NAALADL2: variants seen among roughly 807,000 people sequenced by gnomAD.
NAALADL2 encodes the protein N-acetylated alpha-linked acidic dipeptidase like 2.
In NAALADL2, 76 loss-of-function variants were observed where a neutral mutation model predicts 87.2. That is an observed-to-expected ratio of 0.87 (90% CI 0.72 to 1.05). NAALADL2 has a LOEUF of 1.05. Among genes scored for constraint, NAALADL2 ranks in the 50% least tolerant of loss-of-function variants. The pLI is 0.00. For missense variants in NAALADL2, 1,089 were observed against 945.8 expected (o/e 1.15, Z -1.99); for synonymous variants, 354 against 331.0 (o/e 1.07, Z -0.75).
intron 9 of NAALADL2, among the ~76,000 whole-genome samples, chr3:175,492,574 A>T (rs966055499): frequency 6.6e-6 from 1 of 152,150 alleles, no homozygotes; most frequent in African/African-American, 2.4e-5. Flanking sequence ...CAGTACCCGG[A>T]GCGAAGCCTG....
At chr3:175,783,260 T>G (rs1441557702) in intron 13 of NAALADL2, among the ~76,000 whole-genome samples, 45 of 152,154 alleles carry the variant, frequency 3.0e-4, no homozygotes, top group Admixed American at 1.4e-3. Context: ...TTGGTAGCTT[T>G]ATGGGGATGG....
chr3:174,661,458 G>C (rs9290513), intron 2 of NAALADL2, among the ~76,000 whole-genome samples: 11,246 of 152,038 alleles, frequency 0.074, 1,398 homozygotes, highest in African/African-American at 0.26. Flanking sequence ...TTTTACTATA[G>C]TTACTTAGAA....
intron 3 of NAALADL2, among the ~76,000 whole-genome samples, chr3:174,765,304 G>A (rs1713667336): frequency 6.6e-6 from 1 of 152,130 alleles, no homozygotes; most frequent in Non-Finnish European, 1.5e-5. Context: ...TTTTTATTGT[G>A]AAATATTAGA....
intron 2 of NAALADL2, among the ~76,000 whole-genome samples, chr3:175,132,758 C>T (rs1012908985): frequency 2.7e-5 from 4 of 150,698 alleles, no homozygotes; most frequent in East Asian, 2.0e-4. Context: ...CCTCACCTCC[C>T]GGACAGGGCG....
In NAALADL2 at chr3:175,463,403, A is replaced by G. The variant is rs563896810; in HGVS notation, c.1237A>G (p.Ile413Val). ...CSSLELPNNE[I>V]RVVSMQVQTV... is the part of the protein sequence containing the mutation. ...TCTTTAAATTTTTATTTTTTCAGAA[A>G]TAAGAGTCGTCAGCATGCAAGTTCA... Residue 413 changes from isoleucine (I) to valine (V), a missense_variant and splice_region_variant, in exon 7 of 14, where the codon ATA (isoleucine) becomes GTA (valine). Ile to Val is a conservative substitution (Grantham distance 29). Coordinates refer to ENST00000454872, the MANE Select transcript of NAALADL2 (RefSeq NM_207015.3). 25 of 1,564,032 alleles carry G rather than the reference A, an allele frequency of 1.6e-5. No homozygotes were observed. Among genetic ancestry groups the G allele is most frequent in the South Asian group, 9.8e-5 (8 of 81,428 alleles).
At chr3:175,117,499 G>T (rs185657140) in intron 2 of NAALADL2, among the ~76,000 whole-genome samples, 2 of 151,926 alleles carry the variant, frequency 1.3e-5, no homozygotes, top group African/African-American at 4.8e-5. Flanking sequence ...GCAGCCAACA[G>T]ACACATGAAA....
At chr3:175,241,709 A>G (rs966556597) in intron 3 of NAALADL2, among the ~76,000 whole-genome samples, 3 of 152,158 alleles carry the variant, frequency 2.0e-5, no homozygotes, top group African/African-American at 4.8e-5. Flanking sequence ...GTGAAAGAGA[A>G]CAGAAGCCTA....
At chr3:174,889,088 T>G (rs1247937307) in intron 1 of NAALADL2, among the ~76,000 whole-genome samples, 1 of 152,196 alleles carries the variant, frequency 6.6e-6, no homozygotes, top group Non-Finnish European at 1.5e-5. Flanking sequence ...GACTCGTGCC[T>G]TATTGTAGTG....
At position 174,744,972 on chromosome 3, in the gene NAALADL2, C is replaced by G. The variant is rs1370154223; in HGVS notation, c.-9+7226C>G. 3.9e-5 allele frequency among the ~76,000 whole-genome samples: 6 copies of G among 152,200 alleles called. No individual in the cohort carries two copies. In the East Asian group the frequency reaches 1.2e-3, roughly 29 times the overall value. ...AGTGTTAAGAGGGAAATTTATAGCA[C>G]TAAATGCCCACATCAGAAAGCTAGA... On this transcript the variant is annotated intron_variant, in intron 3 of 3. Coordinates refer to the NAALADL2 transcript ENST00000434257.
At chr3:174,829,096 TTTTGTTG>T (rs755855554) in intron 3 of NAALADL2, among the ~76,000 whole-genome samples, 2 of 144,884 alleles carry the variant, frequency 1.4e-5, no homozygotes, top group East Asian at 2.4e-4. Context: ...ATCTGTTTTT[TTTTGTTG>T]TTGTTGTTGT....
chr3:174,756,455 C>T (rs945068086), intron 3 of NAALADL2, among the ~76,000 whole-genome samples: 5 of 152,174 alleles, frequency 3.3e-5, no homozygotes, highest in Admixed American at 6.5e-5. Flanking sequence ...TTACTATGTA[C>T]ACTCTTTAGC....
intron 2 of NAALADL2, among the ~76,000 whole-genome samples, chr3:174,606,296 A>C (rs56976934): frequency 6.6e-6 from 1 of 152,232 alleles, no homozygotes; most frequent in Admixed American, 6.5e-5. Flanking sequence ...GTTCCTCACC[A>C]GCAATGGAAC....
chr3:175,399,245 A>C (rs889137912), intron 5 of NAALADL2, among the ~76,000 whole-genome samples: 2 of 152,064 alleles, frequency 1.3e-5, no homozygotes, highest in African/African-American at 4.8e-5. Flanking sequence ...CTTTGTTCTC[A>C]AGTTATTGGG....
At chr3:175,602,065 C>A (rs918622605) in intron 10 of NAALADL2, among the ~76,000 whole-genome samples, 9 of 152,016 alleles carry the variant, frequency 5.9e-5, no homozygotes, top group South Asian at 2.1e-4. Flanking sequence ...TAGACTTGAA[C>A]TTTGTTATGT....
rs114179476 is a variant in NAALADL2 at position 174,989,415 on chromosome 3, C to A, written c.44-107375C>A. ...AACTTACATTTTGTTTCGTAAAAGG[C>A]CATTGAATATGGTGTTTCAATTTTT... is the stretch of plus-strand genomic sequence containing the variant. On this transcript the variant is annotated intron_variant, in intron 1 of 13. Transcript: ENST00000454872. Among the ~76,000 whole-genome samples the A allele has an allele frequency of 6.9e-3, 1,049 of 152,106 alleles. 11 individuals carry two copies. The highest frequency in any genetic ancestry group is 0.024 in the African/African-American group (1,000 of 41,486).
At chr3:175,628,401 ATGTGTGTATTTTTAT>A (rs1169440326) in intron 11 of NAALADL2, among the ~76,000 whole-genome samples, 92 of 151,540 alleles carry the variant, frequency 6.1e-4, no homozygotes, top group African/African-American at 2.2e-3. Flanking sequence ...AAGTTGTGAA[ATGTGTGTATTTTTAT>A]AGCAGTGAGT....
At chr3:175,596,055 T>C (rs1722205408) in intron 10 of NAALADL2, among the ~76,000 whole-genome samples, 1 of 152,012 alleles carries the variant, frequency 6.6e-6, no homozygotes, top group Admixed American at 6.6e-5. Flanking sequence ...AGATTCAGAA[T>C]ACTTGATATT....
At chr3:175,363,878 A>T (rs541531225) in intron 5 of NAALADL2, among the ~76,000 whole-genome samples, 1 of 148,336 alleles carries the variant, frequency 6.7e-6, no homozygotes, top group South Asian at 2.2e-4. Flanking sequence ...TTGGGAAATA[A>T]TGCATATTGA....
intron 11 of NAALADL2, among the ~76,000 whole-genome samples, chr3:175,634,219 A>G (rs1484323711): frequency 6.6e-6 from 1 of 151,936 alleles, no homozygotes; most frequent in East Asian, 1.9e-4. Flanking sequence ...TTGGCTGTCA[A>G]TCGTCCTTAG....
Sources: gnomAD v4.1 joint callset for allele counts (sites outside exome capture counted in the v4.1 genomes callset) on GRCh38, gnomAD v4.1.1 for gene constraint, MANE v1.5 for transcripts, NCBI Gene and HGNC (gene_info 2026-07-23, HGNC 2026-07-21) for gene names.